The following RANBP2 variants were observed in gnomAD, a reference collection of about 807,000 sequenced individuals.
The protein encoded by RANBP2 is E3 SUMO-protein ligase RanBP2.
RANBP2 carries 57 observed loss-of-function variants against 303.6 expected under a neutral mutation model. The observed-to-expected ratio is 0.19, with a 90% confidence interval of 0.15 to 0.23. The LOEUF (loss-of-function observed/expected upper bound fraction) is 0.23, where lower values mean the gene tolerates loss of function less well. Among genes scored for constraint, RANBP2 ranks in the 10% least tolerant of loss-of-function variants. The probability of loss-of-function intolerance (pLI) is 1.00; values close to 1 mark genes in which losing one functional copy is unlikely to be tolerated. For synonymous variants in RANBP2, 1,167 were observed against 1,301.5 expected, an observed-to-expected ratio of 0.90 and a Z score of 2.23; for missense variants, 3,138 against 3,780.8, an observed-to-expected ratio of 0.83 and a Z score of 4.46.
chr2:109,036,353 C>T, the RANBP2 span, among the ~76,000 whole-genome samples: 1 of 152,080 alleles, frequency 6.6e-6, no homozygotes, highest in African/African-American at 2.4e-5. Flanking sequence ...GCTAGTATTA[C>T]CCTGATACCA....
At chr2:108,904,869 A>G in the RANBP2 span, among the ~76,000 whole-genome samples, 1 of 152,084 alleles carries the variant, frequency 6.6e-6, no homozygotes, top group African/African-American at 2.4e-5. Flanking sequence ...GAGTTTTTGT[A>G]TGGGAGCTGA....
the RANBP2 span, among the ~76,000 whole-genome samples, chr2:109,439,449 TCC>T: frequency 6.6e-6 from 1 of 152,110 alleles, no homozygotes; most frequent in Non-Finnish European, 1.5e-5. Flanking sequence ...CTGTTGACAG[TCC>T]AAGTAATGGA....
the RANBP2 span, chr2:108,791,584 G>C: frequency 1.4e-6 from 2 of 1,423,086 alleles, no homozygotes; most frequent in Admixed American, 3.4e-5. Context: ...TTTTTTCTCA[G>C]TTATGCTGTT....
rs1307007564 is a variant in RANBP2 at position 108,765,982 on chromosome 2, G to A, written c.5443G>A (p.Ala1815Thr). ...DASKPTHKPI[A>T]EAPSAFTLGS... Reference sequence around the variant, plus strand: ...CTCTAAACCAACTCATAAACCTATTGCAGAAGCTCCTTCAGCTTTCACACT... The same window carrying A: ...CTCTAAACCAACTCATAAACCTATTACAGAAGCTCCTTCAGCTTTCACACT... Residue 1815 changes from alanine (A) to threonine (T), a missense_variant, in exon 20 of 29, where the codon GCA becomes ACA. Coordinates refer to ENST00000283195, the MANE Select transcript of RANBP2 (RefSeq NM_006267.5). The A allele has an allele frequency of 1.9e-6, 3 of 1,614,040 alleles. No individual in the cohort carries two copies. The highest frequency in any genetic ancestry group is 1.7e-5 in the Admixed American group (1 of 59,994).
the RANBP2 span, among the ~76,000 whole-genome samples, chr2:109,270,191 G>A: frequency 6.6e-6 from 1 of 152,154 alleles, no homozygotes; most frequent in African/African-American, 2.4e-5. Flanking sequence ...CAGCAAATTG[G>A]GGCAGCATGT....
At chr2:109,104,324 T>C in the RANBP2 span, among the ~76,000 whole-genome samples, 10 of 152,190 alleles carry the variant, frequency 6.6e-5, no homozygotes, top group Non-Finnish European at 1.2e-4. Context: ...GTCATCTGTA[T>C]GTATGCTCCA....
At chr2:109,027,253 A>AC in the RANBP2 span, among the ~76,000 whole-genome samples, 26 of 151,022 alleles carry the variant, frequency 1.7e-4, 1 homozygote, top group African/African-American at 5.3e-4. Flanking sequence ...AAAAAAAAAA[A>AC]AAAAAAAAAA....
At chr2:108,775,447 A>G (rs1194236485) in intron 23 of RANBP2, among the ~76,000 whole-genome samples, 2 of 152,128 alleles carry the variant, frequency 1.3e-5, no homozygotes, top group East Asian at 3.9e-4. Flanking sequence ...GGGTTACAGG[A>G]GTGGCAGAAA....
rs1408171554 is a variant in RANBP2, at chr2:108,766,562, G to A, written c.6023G>A (p.Ser2008Asn). 6.2e-7 allele frequency: 1 copy of A among 1,611,848 alleles called. No homozygotes were observed. Among genetic ancestry groups the A allele is most frequent in the Non-Finnish European group, 8.5e-7 (1 of 1,179,850 alleles). The change falls in exon 20 of 29, where the codon AGC becomes AAC. Residue 2008 changes from serine (S) to asparagine (N), a missense_variant. Coordinates refer to ENST00000283195, the MANE Select transcript of RANBP2 (RefSeq NM_006267.5). The stretch of plus-strand genomic sequence containing the variant: ...GATGATGCCTATAAGACTGAGGACA[G>A]CGATGACATCCATTTTGAACCAGTA... ...KDDDAYKTED[S>N]DDIHFEPVVQ... is the part of the protein sequence containing the mutation.
chr2:109,086,114 T>G, the RANBP2 span, among the ~76,000 whole-genome samples: 6 of 152,360 alleles, frequency 3.9e-5, no homozygotes, highest in African/African-American at 1.4e-4. Flanking sequence ...GTTTCCTTCC[T>G]TTTCATGGCT....
the RANBP2 span, among the ~76,000 whole-genome samples, chr2:109,202,524 G>T: frequency 6.6e-6 from 1 of 152,190 alleles, no homozygotes; most frequent in African/African-American, 2.4e-5. Flanking sequence ...GCTGGTGGGT[G>T]GTCAGCATGG....
At chr2:109,451,078 G>A in the RANBP2 span, among the ~76,000 whole-genome samples, 6 of 152,234 alleles carry the variant, frequency 3.9e-5, no homozygotes, top group East Asian at 9.6e-4. Flanking sequence ...ACCAGGTTCC[G>A]CAGGGCCTCA....
At chr2:109,673,633 G>A in the RANBP2 span, among the ~76,000 whole-genome samples, 1 of 152,150 alleles carries the variant, frequency 6.6e-6, no homozygotes, top group Non-Finnish European at 1.5e-5. Context: ...GGAGGCCAAG[G>A]CAGGTGGATC....
the RANBP2 span, among the ~76,000 whole-genome samples, chr2:109,091,234 TAAATA>T: frequency 5.9e-5 from 9 of 151,716 alleles, no homozygotes; most frequent in Non-Finnish European, 1.3e-4. Context: ...TGTCTCTTAA[TAAATA>T]AAATAAAATA....
At chr2:109,633,310 T>C in the RANBP2 span, among the ~76,000 whole-genome samples, 4 of 151,960 alleles carry the variant, frequency 2.6e-5, no homozygotes, top group Non-Finnish European at 5.9e-5. Context: ...GGAGAAACAC[T>C]TGAATCCAGG....
chr2:109,449,161 C>T, the RANBP2 span: 53 of 1,611,994 alleles, frequency 3.3e-5, no homozygotes, highest in South Asian at 3.8e-4. Context: ...TCTCCAACCC[C>T]GTCTCCAGCT....
At chr2:109,279,282 CA>C in the RANBP2 span, among the ~76,000 whole-genome samples, 1 of 152,300 alleles carries the variant, frequency 6.6e-6, no homozygotes, top group South Asian at 2.1e-4. Flanking sequence ...TTTGTTCTTC[CA>C]AGGTTAACTG....
At chr2:109,296,947 G>C in the RANBP2 span, among the ~76,000 whole-genome samples, 1 of 152,224 alleles carries the variant, frequency 6.6e-6, no homozygotes, top group South Asian at 2.1e-4. Flanking sequence ...CTAGGCCTGG[G>C]GACCTACCCT....
intron 1 of RANBP2, among the ~76,000 whole-genome samples, chr2:108,721,132 C>T (rs1161986485): frequency 6.6e-6 from 1 of 152,182 alleles, no homozygotes; most frequent in Non-Finnish European, 1.5e-5. Flanking sequence ...CTTATCGTAA[C>T]TAAGCATAGG....
Sources: allele counts gnomAD v4.1 joint callset (sites outside exome capture counted in the v4.1 genomes callset), GRCh38; gene constraint gnomAD v4.1.1; transcripts MANE v1.5; gene names NCBI Gene and HGNC (gene_info 2026-07-23, HGNC 2026-07-21).